Variants in CAMTA1 observed in about 807,000 individuals in gnomAD.
The protein encoded by CAMTA1 is calmodulin-binding transcription activator 1.
In CAMTA1, 27 loss-of-function variants were observed where a neutral mutation model predicts 170.9. The observed-to-expected ratio is 0.16, with a 90% confidence interval of 0.12 to 0.22. CAMTA1 has a LOEUF of 0.22. CAMTA1 is among the 10% of genes least tolerant of loss of function. The pLI is 1.00. For missense variants in CAMTA1, 1,619 were observed against 2,217.2 expected (o/e 0.73, Z 5.42); for synonymous variants, 833 against 891.5 (o/e 0.93, Z 1.17).
chr1:7,492,384 A>G (rs2093717272), intron 6 of CAMTA1, among the ~76,000 whole-genome samples: 1 of 152,156 alleles, frequency 6.6e-6, no homozygotes, highest in Non-Finnish European at 1.5e-5. Context: ...GGCCTTTTGC[A>G]GTCTGGGATC....
At chr1:7,204,500 T>C (rs996498078) in intron 4 of CAMTA1, among the ~76,000 whole-genome samples, 5 of 152,210 alleles carry the variant, frequency 3.3e-5, no homozygotes, top group Non-Finnish European at 7.3e-5. Flanking sequence ...ATTTCTAATT[T>C]CATTGTCATT....
Position 7,286,371 on chromosome 1 carries a change from T to C in CAMTA1, c.438+36745T>C, listed in dbSNP as rs557203284. 6.6e-6 allele frequency among the ~76,000 whole-genome samples: 1 copy of C among 152,270 alleles called. No homozygotes were observed. Among genetic ancestry groups the C allele is most frequent in the Non-Finnish European group, 1.5e-5 (1 of 68,004 alleles). On this transcript the variant is annotated intron_variant, in intron 5 of 22. Transcript: ENST00000303635. This position sits in a 1 kb window ranked among gnomAD's most constrained non-coding sequence, Gnocchi z 4.2. Reference sequence around the variant, plus strand: ...GTCTATGGGTGGTCCTGGAAGATCGTCATGGGGGTCTTCAGCTATTGGTGG... The same window carrying C: ...GTCTATGGGTGGTCCTGGAAGATCGCCATGGGGGTCTTCAGCTATTGGTGG...
intron 5 of CAMTA1, among the ~76,000 whole-genome samples, chr1:7,314,278 C>T (rs1167546844): frequency 1.3e-5 from 2 of 152,190 alleles, no homozygotes; most frequent in Non-Finnish European, 2.9e-5. Flanking sequence ...CCAAAGCCAG[C>T]TCTGCAGAGG....
intron 6 of CAMTA1, among the ~76,000 whole-genome samples, chr1:7,475,685 G>A (rs1333243394): frequency 2.0e-5 from 3 of 152,234 alleles, no homozygotes; most frequent in Non-Finnish European, 2.9e-5. Flanking sequence ...GCCACTGAGC[G>A]CTTGATCAGA....
intron 5 of CAMTA1, among the ~76,000 whole-genome samples, chr1:7,313,328 T>C (rs1213721878): frequency 2.0e-5 from 3 of 152,248 alleles, no homozygotes; most frequent in Non-Finnish European, 4.4e-5. Flanking sequence ...CTATGAGTCC[T>C]GGCGGTACTC....
intron 4 of CAMTA1, among the ~76,000 whole-genome samples, chr1:7,148,133 C>A (rs1646341195): frequency 6.7e-6 from 1 of 150,298 alleles, no homozygotes; most frequent in Non-Finnish European, 1.5e-5. Context: ...TAAAAATACA[C>A]AATGCATACA....
In CAMTA1 at chr1:7,664,152, G is replaced by A. The variant is rs2095983153; in HGVS notation, c.1605G>A (p.Glu535=). 1.2e-6 allele frequency: 2 copies of A among 1,613,090 alleles called. No individual in the cohort carries two copies. Among genetic ancestry groups the A allele is most frequent in the Non-Finnish European group, 1.7e-6 (2 of 1,180,038 alleles). ...TCCTCACCAAGGAGATCAAGACCGA[G>A]GACACCTCCTTCGAGCAGCAGATGG... ...TTVLTKEIKT[E]DTSFEQQMAK... is the part of the protein sequence containing the mutation. The change falls in exon 9 of 23, where the codon GAG becomes GAA. Residue 535 remains glutamate, a synonymous_variant. Transcript: ENST00000303635.
chr1:7,238,485 G>A (rs1029052984), intron 4 of CAMTA1, among the ~76,000 whole-genome samples: 5 of 152,208 alleles, frequency 3.3e-5, no homozygotes, highest in East Asian at 1.9e-4. Flanking sequence ...ACCAAGACTC[G>A]CTGCAGAGCA....
At chr1:7,135,805 C>T (rs1321092792) in intron 4 of CAMTA1, among the ~76,000 whole-genome samples, 4 of 152,158 alleles carry the variant, frequency 2.6e-5, no homozygotes, top group Non-Finnish European at 4.4e-5. Context: ...TTTTTAATAT[C>T]CACACAGAGA....
chr1:7,639,117 T>C (rs893891933), intron 6 of CAMTA1, among the ~76,000 whole-genome samples: 2 of 152,176 alleles, frequency 1.3e-5, no homozygotes, highest in Admixed American at 6.5e-5. Flanking sequence ...TCGCTGGGAC[T>C]ACAGGCGCCC....
chr1:7,069,249 G>A (rs1638274027), intron 3 of CAMTA1, among the ~76,000 whole-genome samples: 1 of 152,228 alleles, frequency 6.6e-6, no homozygotes, highest in Non-Finnish European at 1.5e-5. Flanking sequence ...GCAGAAGGTG[G>A]TTGTTGCTTC....
rs1354756482 is a variant in CAMTA1 at position 7,333,982 on chromosome 1, C to T, written c.438+84356C>T. 6.6e-6 allele frequency among the ~76,000 whole-genome samples: 1 copy of T among 152,142 alleles called. No individual in the cohort carries two copies. The highest frequency in any genetic ancestry group is 1.5e-5 in the Non-Finnish European group (1 of 68,028). On this transcript the variant is annotated intron_variant, in intron 5 of 22. Transcript: ENST00000303635. This position sits in a 1 kb window ranked among gnomAD's most constrained non-coding sequence, Gnocchi z 4.4. ...CTCCTGGGGCTCTCTGCTCTCCAGC[C>T]TGATGTGGGCAAATTGTGTCACGTA...
intron 6 of CAMTA1, among the ~76,000 whole-genome samples, chr1:7,491,455 G>C (rs906130780): frequency 2.0e-5 from 3 of 152,232 alleles, no homozygotes; most frequent in Non-Finnish European, 4.4e-5. Context: ...ACAGAGGGAA[G>C]ATGGTTCCGG....
chr1:7,607,193 A>T (rs1034671783), intron 6 of CAMTA1, among the ~76,000 whole-genome samples: 1 of 149,610 alleles, frequency 6.7e-6, no homozygotes, highest in Non-Finnish European at 1.5e-5. Flanking sequence ...GAGTGGATGG[A>T]TGGATGGGTA....
intron 6 of CAMTA1, among the ~76,000 whole-genome samples, chr1:7,531,528 A>G (rs935308823): frequency 1.3e-5 from 2 of 152,206 alleles, no homozygotes; most frequent in Non-Finnish European, 2.9e-5. Flanking sequence ...AGGAACCCCA[A>G]GTCCAGGAAG....
At chr1:7,652,476 G>A (rs1422550818) in intron 7 of CAMTA1, among the ~76,000 whole-genome samples, 2 of 152,170 alleles carry the variant, frequency 1.3e-5, no homozygotes, top group African/African-American at 2.4e-5. Context: ...ATCCCAAGTG[G>A]GGAGCCAGGG....
In CAMTA1 at chr1:7,587,554, G is replaced by T. The variant is rs568247768; in HGVS notation, c.511-52846G>T. 7.9e-5 allele frequency among the ~76,000 whole-genome samples: 12 copies of T among 152,184 alleles called. No individual in the cohort carries two copies. The South Asian group carries it at 2.3e-3, about 29-fold the overall frequency. On this transcript the variant is annotated intron_variant, in intron 6 of 22. Coordinates refer to ENST00000303635, the MANE Select transcript of CAMTA1 (RefSeq NM_015215.4). ...TAAATTATACATTAAACTTATCAGG[G>T]TGAGTAATACCTCGCAGCTTCCCCA...
intron 4 of CAMTA1, among the ~76,000 whole-genome samples, chr1:7,105,972 G>A (rs1643542255): frequency 6.6e-6 from 1 of 152,088 alleles, no homozygotes; most frequent in African/African-American, 2.4e-5. Context: ...AGAGTTTTAG[G>A]AGGTGTATGA....
intron 6 of CAMTA1, among the ~76,000 whole-genome samples, chr1:7,587,066 A>C (rs2095316201): frequency 6.6e-6 from 1 of 150,630 alleles, no homozygotes; most frequent in Non-Finnish European, 1.5e-5. Flanking sequence ...GAGGGGTTTC[A>C]ATGCCTAGAA....
Sources: gnomAD v4.1 joint callset for allele counts (sites outside exome capture counted in the v4.1 genomes callset) on GRCh38, gnomAD v4.1.1 for gene constraint, Gnocchi (gnomAD v3.1) non-coding constraint, MANE v1.5 for transcripts, NCBI Gene and HGNC (gene_info 2026-07-23, HGNC 2026-07-21) for gene names.